Variants in ST3GAL3 observed in about 807,000 individuals in gnomAD.
ST3GAL3 encodes ST3 beta-galactoside alpha-2,3-sialyltransferase 3, also known as CMP-N-acetylneuraminate-beta-1,4-galactoside alpha-2,3-sialyltransferase.
ST3GAL3 carries 21 observed loss-of-function variants against 50.1 expected under a neutral mutation model. That is an observed-to-expected ratio of 0.42 (90% CI 0.30 to 0.60). The LOEUF is 0.60. Ranked by LOEUF, ST3GAL3 falls within the 20% of genes least tolerant of loss-of-function variation. The pLI is 0.19. For missense variants in ST3GAL3, 353 were observed against 489.4 expected (o/e 0.72, Z 2.63); for synonymous variants, 183 against 190.0 (o/e 0.96, Z 0.30).
At position 43,897,363 on chromosome 1, in the gene ST3GAL3, G is replaced by A. The variant is rs11586049; in HGVS notation, c.398-872G>A. 8.0e-3 allele frequency among the ~76,000 whole-genome samples: 1,213 copies of A among 152,236 alleles called. 39 individuals carry two copies. Among genetic ancestry groups the A allele is most frequent in the Admixed American group, 0.058 (881 of 15,286 alleles). On this transcript the variant is annotated intron_variant, in intron 6 of 11. Transcript: ENST00000347631. The stretch of plus-strand genomic sequence containing the variant: ...TCTTCCTAACAACTCCACAAAATAG[G>A]AATTACTTTCATTTTAGAGATGAGG...
intron 5 of ST3GAL3, among the ~76,000 whole-genome samples, chr1:43,873,056 T>C (rs917603375): frequency 6.6e-6 from 1 of 152,158 alleles, no homozygotes; most frequent in African/African-American, 2.4e-5. Context: ...CATGGGAGTG[T>C]TGGAGGTCAC....
chr1:43,894,565 C>T, intron 6 of ST3GAL3, 88 bp downstream of exon 6: 3 of 1,179,254 alleles, frequency 2.5e-6, no homozygotes, highest in South Asian at 1.2e-5. Flanking sequence ...TCAGAAGTCC[C>T]CATGCTGAGA....
chr1:43,855,352 G>A (rs1166144769), intron 5 of ST3GAL3, among the ~76,000 whole-genome samples: 1 of 152,218 alleles, frequency 6.6e-6, no homozygotes, highest in African/African-American at 2.4e-5. Context: ...GCTCACGCCT[G>A]TGATCCCATC....
At chr1:43,873,879 CTA>C (rs1312350416) in intron 5 of ST3GAL3, among the ~76,000 whole-genome samples, 3 of 151,984 alleles carry the variant, frequency 2.0e-5, no homozygotes, top group Non-Finnish European at 4.4e-5. Flanking sequence ...GAGGTCCAGA[CTA>C]TGAAAATGGA....
In ST3GAL3 at chr1:43,899,515, G is replaced by A. The variant is rs1293762440; in HGVS notation, c.558-26G>A. The A allele has an allele frequency of 6.2e-7, 1 of 1,610,046 alleles. No individual in the cohort carries two copies. Among genetic ancestry groups the A allele is most frequent in the African/African-American group, 1.3e-5 (1 of 75,044 alleles). The stretch of plus-strand genomic sequence containing the variant: ...GGTGCCTTCCCAAACACAGGCCCAG[G>A]CTCTGAGTGGGCCTGCTCTCTGTAG... On this transcript the variant is annotated intron_variant, in intron 8 of 11. Coordinates refer to ENST00000347631, the MANE Select transcript of ST3GAL3 (RefSeq NM_006279.5). This position sits in a 1 kb window ranked among gnomAD's most constrained non-coding sequence, Gnocchi z 5.4.
intron 5 of ST3GAL3, among the ~76,000 whole-genome samples, chr1:43,866,236 G>A (rs2071293743): frequency 1.3e-5 from 2 of 152,216 alleles, no homozygotes; most frequent in Admixed American, 1.3e-4. Context: ...GAATACCTGG[G>A]AGAAGCCATC....
chr1:43,842,202 C>A (rs1304106363), intron 5 of ST3GAL3: 1 of 152,226 alleles, frequency 6.6e-6, no homozygotes, highest in Non-Finnish European at 1.5e-5. Flanking sequence ...AAGTTCCAAA[C>A]TTGCTCTCAT....
intron 4 of ST3GAL3, among the ~76,000 whole-genome samples, chr1:43,831,115 G>T (rs1370600488): frequency 6.6e-6 from 1 of 152,204 alleles, no homozygotes; most frequent in African/African-American, 2.4e-5. Context: ...CTTACCTGAG[G>T]TTGCACACCT....
At chr1:43,779,676 C>T (rs1419649132) in intron 2 of ST3GAL3, among the ~76,000 whole-genome samples, 2 of 152,214 alleles carry the variant, frequency 1.3e-5, no homozygotes, top group East Asian at 1.9e-4. Flanking sequence ...TGCAATCTAT[C>T]CTCCAATTCT....
intron 5 of ST3GAL3, among the ~76,000 whole-genome samples, chr1:43,848,853 T>C (rs1278548202): frequency 6.6e-6 from 1 of 152,208 alleles, no homozygotes; most frequent in Non-Finnish European, 1.5e-5. Context: ...TTTCTCTCTC[T>C]GCTTCATTTT....
chr1:43,826,101 T>TC (rs1362281072), intron 4 of ST3GAL3, among the ~76,000 whole-genome samples: 1 of 149,806 alleles, frequency 6.7e-6, no homozygotes, highest in East Asian at 2.0e-4. Flanking sequence ...CCTCGTCTCT[T>TC]CAAAAAAAAA....
chr1:43,859,906 C>G (rs2069483792), intron 5 of ST3GAL3, among the ~76,000 whole-genome samples: 1 of 152,200 alleles, frequency 6.6e-6, no homozygotes, highest in Non-Finnish European at 1.5e-5. Flanking sequence ...ATGTGTACCT[C>G]AAGACCAGCA....
intron 2 of ST3GAL3, among the ~76,000 whole-genome samples, chr1:43,784,363 G>T (rs945605429): frequency 1.2e-4 from 19 of 152,122 alleles, no homozygotes; most frequent in African/African-American, 4.6e-4. Context: ...ACAAAAATTG[G>T]CCGAGTGTGG....
intron 5 of ST3GAL3, among the ~76,000 whole-genome samples, chr1:43,881,936 G>T (rs548288140): frequency 6.6e-6 from 1 of 152,368 alleles, no homozygotes; most frequent in South Asian, 2.1e-4. Context: ...AGCCCTGGAA[G>T]ATCCACATGG....
intron 2 of ST3GAL3, among the ~76,000 whole-genome samples, chr1:43,782,765 A>G (rs1206756336): frequency 6.6e-6 from 1 of 152,212 alleles, no homozygotes; most frequent in Non-Finnish European, 1.5e-5. Flanking sequence ...GGTGGGTTCT[A>G]TTAATGGTCC....
intron 1 of ST3GAL3, among the ~76,000 whole-genome samples, chr1:43,730,964 C>G (rs1675470872): frequency 6.6e-6 from 1 of 152,122 alleles, no homozygotes; most frequent in South Asian, 2.1e-4. Flanking sequence ...CATCTGAACC[C>G]ACTTTTCAGA....
At chr1:43,743,164 C>G (rs921764793) in intron 2 of ST3GAL3, among the ~76,000 whole-genome samples, 2 of 150,538 alleles carry the variant, frequency 1.3e-5, no homozygotes, top group Non-Finnish European at 3.0e-5. Context: ...CCCATACTTA[C>G]TCATCTGAAG....
intron 2 of ST3GAL3, among the ~76,000 whole-genome samples, chr1:43,765,850 A>C (rs1692710494): frequency 1.3e-5 from 2 of 151,448 alleles, no homozygotes; most frequent in South Asian, 4.2e-4. Flanking sequence ...GAGAAGATTG[A>C]GAAGCTTCTG....
chr1:43,870,367 G>T (rs11800217), intron 5 of ST3GAL3, among the ~76,000 whole-genome samples: 2 of 152,238 alleles, frequency 1.3e-5, no homozygotes, highest in African/African-American at 2.4e-5. Context: ...CCAGCAGGAG[G>T]TCTGCTTAGG....
Sources: allele counts gnomAD v4.1 joint callset (sites outside exome capture counted in the v4.1 genomes callset), GRCh38; gene constraint gnomAD v4.1.1; non-coding constraint Gnocchi (gnomAD v3.1); transcripts MANE v1.5; gene names NCBI Gene and HGNC (gene_info 2026-07-23, HGNC 2026-07-21).